The following CACNA1C variants were observed in gnomAD, a reference collection of about 807,000 sequenced individuals.
The protein encoded by CACNA1C is voltage-dependent L-type calcium channel subunit alpha-1C.
A neutral mutation model predicts 229.0 loss-of-function variants in CACNA1C; 30 were observed. The observed-to-expected ratio is 0.13, with a 90% CI of 0.10 to 0.18. CACNA1C has a LOEUF of 0.18. Ranked by LOEUF, CACNA1C falls within the 10% of genes least tolerant of loss-of-function variation. CACNA1C has a pLI of 1.00. For synonymous variants in CACNA1C, 1,114 were observed against 1,132.5 expected (o/e 0.98, Z 0.33); for missense variants, 1,658 against 2,845.0 (o/e 0.58, Z 9.49).
intron 2 of CACNA1C, among the ~76,000 whole-genome samples, chr12:2,119,641 C>G (rs1375566444): frequency 6.6e-6 from 1 of 152,194 alleles, no homozygotes; most frequent in Non-Finnish European, 1.5e-5. Flanking sequence ...AAAGCTTTGC[C>G]TGCTGAAGCG....
At chr12:2,434,147 G>C (rs1441229931) in intron 3 of CACNA1C, among the ~76,000 whole-genome samples, 4 of 152,050 alleles carry the variant, frequency 2.6e-5, no homozygotes, top group Non-Finnish European at 5.9e-5. Context: ...ACTTCACACT[G>C]TTCTTTGATT....
At chr12:2,097,337 G>C (rs780555593) in intron 1 of CACNA1C, among the ~76,000 whole-genome samples, 4 of 151,652 alleles carry the variant, frequency 2.6e-5, no homozygotes, top group Non-Finnish European at 4.4e-5. Flanking sequence ...TAGTAGAGAC[G>C]GGGTTTCACC....
chr12:2,441,427 T>C (rs574107649), intron 3 of CACNA1C, among the ~76,000 whole-genome samples: 10 of 152,330 alleles, frequency 6.6e-5, no homozygotes, highest in Non-Finnish European at 1.3e-4. Flanking sequence ...AGCACAAATA[T>C]TAATAATCTC....
chr12:2,577,062 C>G (rs1242015229), intron 13 of CACNA1C, among the ~76,000 whole-genome samples: 1 of 152,264 alleles, frequency 6.6e-6, no homozygotes, highest in Non-Finnish European at 1.5e-5. Flanking sequence ...AGCCTGCCCC[C>G]TTTATCCTGC....
At position 2,549,536 on chromosome 12, in the gene CACNA1C, G is replaced by A. The variant is rs142687594; in HGVS notation, c.1391-407G>A. ...GGAGCCCCTTAGAGATGGTGGGTGG[G>A]ATGAAGTAAGGAAAATGATATATTT... is the stretch of plus-strand genomic sequence containing the variant. On this transcript the variant is annotated intron_variant, in intron 9 of 46. Coordinates refer to ENST00000399655, the MANE Select transcript of CACNA1C (RefSeq NM_000719.7). Among the ~76,000 whole-genome samples, 307 of 152,314 alleles carry A rather than the reference G, an allele frequency of 2.0e-3. 1 individual carries two copies. The highest frequency in any genetic ancestry group is 7.3e-3 in the African/African-American group (303 of 41,564).
intron 5 of CACNA1C, among the ~76,000 whole-genome samples, chr12:2,468,057 C>T (rs375409574): frequency 1.3e-5 from 2 of 152,214 alleles, no homozygotes; most frequent in Non-Finnish European, 1.5e-5. Context: ...GGAAGAGGCC[C>T]GCCATGCGGC....
At chr12:2,225,693 A>T (rs1410540038) in intron 3 of CACNA1C, among the ~76,000 whole-genome samples, 1 of 152,192 alleles carries the variant, frequency 6.6e-6, no homozygotes, top group East Asian at 1.9e-4. Flanking sequence ...ATTAAGGCTT[A>T]AGACCCTGTT....
At chr12:2,135,457 G>T (rs961479452) in intron 3 of CACNA1C, among the ~76,000 whole-genome samples, 1 of 138,064 alleles carries the variant, frequency 7.2e-6, no homozygotes, top group African/African-American at 3.0e-5. Context: ...TTTGGTCTTT[G>T]ATGATGGTGA....
intron 3 of CACNA1C, chr12:2,217,735 A>G (rs1009112066): frequency 6.6e-6 from 1 of 152,212 alleles, no homozygotes; most frequent in Non-Finnish European, 1.5e-5. Context: ...ATCCTAACAT[A>G]TCCGTATATT....
chr12:2,308,158 A>T (rs887542430), intron 3 of CACNA1C, among the ~76,000 whole-genome samples: 2 of 152,226 alleles, frequency 1.3e-5, no homozygotes, highest in South Asian at 2.1e-4. Flanking sequence ...ATTCAGGTTT[A>T]TGATTGTCCA....
Position 1,972,485 on chromosome 12 carries a change from A to T in CACNA1C, c.139+1284A>T, listed in dbSNP as rs193104812. Among the ~76,000 whole-genome samples the T allele has an allele frequency of 8.4e-4, 127 of 152,026 alleles. 2 individuals carry two copies. In the East Asian group the frequency reaches 0.018, roughly 22 times the overall value. On this transcript the variant is annotated intron_variant, in intron 1 of 46. Transcript: ENST00000682462. ...GCATTTGAAAGATCCCAAGATATTTAAAAAAAACAGAAAAATAGAACCATG... is the reference window on the plus strand; with the variant it reads ...GCATTTGAAAGATCCCAAGATATTTTAAAAAAACAGAAAAATAGAACCATG...
chr12:2,503,546 G>A (rs960887045), intron 7 of CACNA1C, among the ~76,000 whole-genome samples: 7 of 152,212 alleles, frequency 4.6e-5, no homozygotes, highest in African/African-American at 1.7e-4. Flanking sequence ...CTTAGGGTCA[G>A]CGGGTACAGG....
intron 3 of CACNA1C, among the ~76,000 whole-genome samples, chr12:2,151,891 T>C (rs1339827062): frequency 6.6e-6 from 1 of 152,214 alleles, no homozygotes; most frequent in Non-Finnish European, 1.5e-5. Context: ...GCTTGCCAGG[T>C]ATATCTGAGC....
At chr12:2,487,872 A>C (rs1404962175) in intron 6 of CACNA1C, among the ~76,000 whole-genome samples, 2 of 152,164 alleles carry the variant, frequency 1.3e-5, no homozygotes, top group African/African-American at 4.8e-5. Context: ...ATAAATTTAT[A>C]TGAATTGTGT....
At chr12:2,147,707 G>T (rs1472467865) in intron 3 of CACNA1C, among the ~76,000 whole-genome samples, 1 of 149,780 alleles carries the variant, frequency 6.7e-6, no homozygotes, top group Non-Finnish European at 1.5e-5. Context: ...AAATACGATG[G>T]TCAGATTGGA....
chr12:2,212,877 C>G (rs1566435353), intron 3 of CACNA1C, among the ~76,000 whole-genome samples: 1 of 152,222 alleles, frequency 6.6e-6, no homozygotes, highest in Non-Finnish European at 1.5e-5. Flanking sequence ...ATTTTCTCCT[C>G]TGACATCAGA....
rs754107669 is a variant in CACNA1C at position 2,115,477 on chromosome 12, C to T, written c.303C>T (p.Pro101=). Residue 101 remains proline, a synonymous_variant, in exon 2 of 47, where the codon CCC becomes CCT. Coordinates refer to ENST00000399655, the MANE Select transcript of CACNA1C (RefSeq NM_000719.7). ...GCAGCACCACGGCCACACGCCCGCC[C>T]CGAGCCCTGCTCTGCCTGACCCTGA... ...KQGSTTATRP[P]RALLCLTLKN... is the part of the protein sequence containing the mutation. 1 of 1,613,530 alleles carries T rather than the reference C, an allele frequency of 6.2e-7. No homozygotes were observed. Among genetic ancestry groups the T allele is most frequent in the East Asian group, 2.2e-5 (1 of 44,890 alleles).
intron 1 of CACNA1C, among the ~76,000 whole-genome samples, chr12:2,038,959 T>G (rs73044446): frequency 0.05 from 7,686 of 152,220 alleles, 265 homozygotes; most frequent in Middle Eastern, 0.078. Context: ...AAGTGGAAAT[T>G]GATAAATCCA....
Position 2,187,897 on chromosome 12 carries a change from C to T in CACNA1C, c.477+67467C>T, listed in dbSNP as rs114886703. On this transcript the variant is annotated intron_variant, in intron 3 of 46. Transcript: ENST00000399655. ...AGAGAAGAGTCTGCTGCCCCCAGGA[C>T]GGGGACTGAGCTGAGGGCGAGGAGG... Among the ~76,000 whole-genome samples, 1,258 of 152,318 alleles carry T rather than the reference C, an allele frequency of 8.3e-3. 17 individuals are homozygous for T. Among genetic ancestry groups the T allele is most frequent in the African/African-American group, 0.029 (1,188 of 41,562 alleles).
Sources: gnomAD v4.1 joint callset for allele counts (sites outside exome capture counted in the v4.1 genomes callset) on GRCh38, gnomAD v4.1.1 for gene constraint, MANE v1.5 for transcripts, NCBI Gene and HGNC (gene_info 2026-07-23, HGNC 2026-07-21) for gene names.